The following PLCL1 variants were observed in gnomAD, a reference collection of about 807,000 sequenced individuals.
PLCL1 encodes the protein inactive phospholipase C-like protein 1.
Under a neutral mutation model 84.4 loss-of-function variants are expected in PLCL1, and 41 were observed. The observed-to-expected ratio is 0.49, with a 90% confidence interval of 0.38 to 0.63. PLCL1 has a LOEUF of 0.63. Ranked by LOEUF, PLCL1 falls within the 30% of genes least tolerant of loss-of-function variation. The pLI is 0.00. For missense variants in PLCL1, 1,206 were observed against 1,367.8 expected (o/e 0.88, Z 1.87); for synonymous variants, 490 against 488.3 (o/e 1.00, Z -0.05).
At chr2:197,903,892 T>C (rs1231605053) in intron 1 of PLCL1, among the ~76,000 whole-genome samples, 6 of 148,848 alleles carry the variant, frequency 4.0e-5, no homozygotes, top group African/African-American at 1.5e-4. Context: ...AATCTCCGCC[T>C]CCTGGGTTCA....
At chr2:197,937,703 C>T (rs1476778031) in intron 1 of PLCL1, among the ~76,000 whole-genome samples, 1 of 152,090 alleles carries the variant, frequency 6.6e-6, no homozygotes, top group Admixed American at 6.6e-5. Flanking sequence ...AAACCTTAGA[C>T]ATAGAATTTT....
At chr2:197,944,931 T>C (rs1311797451) in intron 1 of PLCL1, among the ~76,000 whole-genome samples, 1 of 152,214 alleles carries the variant, frequency 6.6e-6, no homozygotes, top group African/African-American at 2.4e-5. Flanking sequence ...TTTCCTATCA[T>C]CTTTGTGGTT....
At chr2:197,818,529 G>T (rs1266351079) in intron 1 of PLCL1, among the ~76,000 whole-genome samples, 2 of 152,028 alleles carry the variant, frequency 1.3e-5, no homozygotes, top group East Asian at 3.9e-4. Context: ...CTCAAGTGAT[G>T]ATTCTTTTTT....
intron 1 of PLCL1, among the ~76,000 whole-genome samples, chr2:197,898,579 A>G (rs1411010338): frequency 2.0e-5 from 3 of 151,766 alleles, no homozygotes; most frequent in Non-Finnish European, 4.4e-5. Flanking sequence ...CATCATGCCC[A>G]AGAGAACCCT....
At chr2:197,923,109 G>C (rs1688746629) in intron 1 of PLCL1, among the ~76,000 whole-genome samples, 1 of 142,730 alleles carries the variant, frequency 7.0e-6, no homozygotes, top group Admixed American at 6.8e-5. Context: ...ACCGGACGGG[G>C]CGGCTGGCCA....
intron 1 of PLCL1, among the ~76,000 whole-genome samples, chr2:198,055,322 T>TCC (rs1692037960): frequency 9.2e-6 from 1 of 109,240 alleles, no homozygotes; most frequent in African/African-American, 4.4e-5. Context: ...TCTCTCTCTC[T>TCC]CTCTCTCTGT....
rs146134896 is a variant in PLCL1, at chr2:198,067,572, AGTGAAGG to A, written c.241-16181_241-16175del. Among the ~76,000 whole-genome samples, 880 of 152,318 alleles carry A rather than the reference AGTGAAGG, an allele frequency of 5.8e-3. 5 individuals carry two copies. Among genetic ancestry groups the A allele is most frequent in the Non-Finnish European group, 9.3e-3 (631 of 68,022 alleles). ...TGGTAAAACTTGTATTCCTTCCCGTAGTGAAGGGTGAGAAAATACACTTGGAACTAGA... is the reference window on the plus strand; with the variant it reads ...TGGTAAAACTTGTATTCCTTCCCGTAGTGAGAAAATACACTTGGAACTAGA... On this transcript the variant is annotated intron_variant, in intron 1 of 5. Transcript: ENST00000428675.
chr2:197,922,823 G>C (rs1467038716), intron 1 of PLCL1, among the ~76,000 whole-genome samples: 2 of 134,318 alleles, frequency 1.5e-5, no homozygotes, highest in Admixed American at 7.2e-5. Context: ...GCCGGGCAGA[G>C]GGGCTCCTCA....
At chr2:197,878,938 C>CA (rs1432160279) in intron 1 of PLCL1, among the ~76,000 whole-genome samples, 1 of 152,232 alleles carries the variant, frequency 6.6e-6, no homozygotes, top group Non-Finnish European at 1.5e-5. Flanking sequence ...TTTGTGCCAA[C>CA]ATTTTAATAG....
At chr2:197,953,096 A>G (rs1329104068) in intron 1 of PLCL1, among the ~76,000 whole-genome samples, 1 of 152,102 alleles carries the variant, frequency 6.6e-6, no homozygotes, top group African/African-American at 2.4e-5. Flanking sequence ...TTTTGAGAAC[A>G]ATGTTATGAA....
intron 1 of PLCL1, among the ~76,000 whole-genome samples, chr2:197,808,277 T>G (rs1690520717): frequency 6.6e-6 from 1 of 152,220 alleles, no homozygotes; most frequent in Non-Finnish European, 1.5e-5. Context: ...AATTTCTTCT[T>G]GATGACTTGT....
chr2:198,078,715 T>TA (rs964286208), intron 1 of PLCL1, among the ~76,000 whole-genome samples: 6 of 151,876 alleles, frequency 4.0e-5, no homozygotes, highest in Non-Finnish European at 8.8e-5. Context: ...ACTGTTTGCT[T>TA]AAAAAAAACT....
At chr2:197,900,941 G>A (rs1688252629) in intron 1 of PLCL1, among the ~76,000 whole-genome samples, 1 of 152,046 alleles carries the variant, frequency 6.6e-6, no homozygotes, top group African/African-American at 2.4e-5. Context: ...TTTTGTTTAA[G>A]CCTTTGTTGC....
At chr2:197,923,576 C>G (rs1455115027) in intron 1 of PLCL1, among the ~76,000 whole-genome samples, 1 of 145,510 alleles carries the variant, frequency 6.9e-6, no homozygotes, top group Non-Finnish European at 1.5e-5. Context: ...CGGGCAGAGA[C>G]GCTCCTCACT....
chr2:197,845,911 G>C (rs1426957160), intron 1 of PLCL1, among the ~76,000 whole-genome samples: 1 of 152,078 alleles, frequency 6.6e-6, no homozygotes, highest in African/African-American at 2.4e-5. Flanking sequence ...CCAAGGCTAA[G>C]TGCCATAGCC....
At chr2:198,070,351 A>T (rs2105884456) in intron 1 of PLCL1, among the ~76,000 whole-genome samples, 1 of 152,222 alleles carries the variant, frequency 6.6e-6, no homozygotes, top group Non-Finnish European at 1.5e-5. Flanking sequence ...GGGTACATTC[A>T]TATGCTTACA....
intron 1 of PLCL1, among the ~76,000 whole-genome samples, chr2:197,938,641 G>A (rs1358933071): frequency 6.6e-6 from 1 of 152,098 alleles, no homozygotes; most frequent in East Asian, 1.9e-4. Context: ...AAGGGCCAGG[G>A]GAACACATAC....
chr2:197,816,189 C>A (rs1400230937), intron 1 of PLCL1, among the ~76,000 whole-genome samples: 1 of 152,018 alleles, frequency 6.6e-6, no homozygotes, highest in Non-Finnish European at 1.5e-5. Flanking sequence ...CAACCACCAC[C>A]CTGATCAGTC....
chr2:197,916,572 A>G (rs1449130562), intron 1 of PLCL1, among the ~76,000 whole-genome samples: 1 of 152,096 alleles, frequency 6.6e-6, no homozygotes, highest in Non-Finnish European at 1.5e-5. Context: ...CACTCAATAT[A>G]TATCATCATC....
Sources: allele counts gnomAD v4.1 joint callset (sites outside exome capture counted in the v4.1 genomes callset), GRCh38; gene constraint gnomAD v4.1.1; transcripts MANE v1.5; gene names NCBI Gene and HGNC (gene_info 2026-07-23, HGNC 2026-07-21).